KIF4A: variants seen among roughly 807,000 people sequenced by gnomAD.
KIF4A encodes the protein chromosome-associated kinesin KIF4A.
In KIF4A, 7 loss-of-function variants were observed where a neutral mutation model predicts 105.9. The observed-to-expected ratio is 0.07, with a 90% CI of 0.04 to 0.12. KIF4A has a LOEUF of 0.12. Among genes scored for constraint, KIF4A ranks in the 10% least tolerant of loss-of-function variants. KIF4A has a pLI of 1.00. For synonymous variants in KIF4A, 281 were observed against 331.3 expected, an observed-to-expected ratio of 0.85 and a Z score of 1.65; for missense variants, 558 against 929.2, an observed-to-expected ratio of 0.60 and a Z score of 5.19.
chrX:70,354,325 T>C (rs1234444091), intron 15 of KIF4A, among the ~76,000 whole-genome samples: 2 of 112,465 alleles, frequency 1.8e-5, no homozygotes, highest in Non-Finnish European at 3.8e-5. Flanking sequence ...TTATTTTCCC[T>C]TGCAGACCAG....
At chrX:70,324,203 A>C (rs887250839) in intron 7 of KIF4A, among the ~76,000 whole-genome samples, 1 of 112,137 alleles carries the variant, frequency 8.9e-6, no homozygotes, top group African/African-American at 3.2e-5. Flanking sequence ...TGACAAATGC[A>C]TTTACCCAAA....
At chrX:70,336,219 G>A (rs1292584548) in intron 10 of KIF4A, among the ~76,000 whole-genome samples, 2 of 111,784 alleles carry the variant, frequency 1.8e-5, no homozygotes, top group Non-Finnish European at 3.8e-5. Context: ...TACTTTTATT[G>A]TGGACATGTG....
intron 10 of KIF4A, among the ~76,000 whole-genome samples, chrX:70,339,038 C>T (rs2147696445): frequency 1.9e-5 from 2 of 104,524 alleles, no homozygotes; most frequent in East Asian, 6.0e-4. Flanking sequence ...CGAGCCAAGA[C>T]CACGCCACTG....
Position 70,357,902 on chromosome X carries a change from G to A in KIF4A, c.1674+4095G>A, listed in dbSNP as rs144928447. On this transcript the variant is annotated intron_variant, in intron 15 of 30. Coordinates refer to ENST00000374403, the MANE Select transcript of KIF4A (RefSeq NM_012310.5). The stretch of plus-strand genomic sequence containing the variant: ...TATGGTTTCCTGTTGTTTTTTTGTT[G>A]TTGTTGTTATTATTGTTGTTTTTAT... Among the ~76,000 whole-genome samples the A allele has an allele frequency of 3.5e-3, 389 of 110,279 alleles. 3 individuals carry two copies. The highest frequency in any genetic ancestry group is 0.012 in the African/African-American group (368 of 30,201).
chrX:70,299,053 C>T, intron 4 of KIF4A, 60 bp from the exon 5 acceptor site: 1 of 892,849 alleles, frequency 1.1e-6, no homozygotes, highest in Admixed American at 2.8e-5. Context: ...ATGATCTCAC[C>T]ACCCAGAGAT....
chrX:70,383,881 G>A (rs997989373), intron 18 of KIF4A, among the ~76,000 whole-genome samples: 2 of 111,849 alleles, frequency 1.8e-5, no homozygotes, highest in Non-Finnish European at 3.8e-5. Context: ...GTTCTCTAGG[G>A]CTTTGGGGTG....
At chrX:70,390,213 GA>G (rs748863155) in intron 20 of KIF4A, among the ~76,000 whole-genome samples, 6 of 111,197 alleles carry the variant, frequency 5.4e-5, no homozygotes, top group Non-Finnish European at 5.7e-5. Context: ...TTTCTACCTA[GA>G]AAATCATGTC....
At chrX:70,293,933 G>A (rs2085770610) in intron 3 of KIF4A, among the ~76,000 whole-genome samples, 1 of 111,684 alleles carries the variant, frequency 9.0e-6, no homozygotes, top group Admixed American at 9.5e-5. Context: ...ATTAAACTTT[G>A]TGTCTTTCTT....
At chrX:70,318,753 G>A (rs1230837585) in intron 7 of KIF4A, among the ~76,000 whole-genome samples, 2 of 111,404 alleles carry the variant, frequency 1.8e-5, no homozygotes, top group Non-Finnish European at 3.8e-5. Context: ...TATGTTTATC[G>A]ACCATGTGTA....
intron 7 of KIF4A, among the ~76,000 whole-genome samples, chrX:70,311,616 A>G (rs965923533): frequency 7.2e-5 from 8 of 111,456 alleles, no homozygotes; most frequent in Non-Finnish European, 3.8e-5. Context: ...TCACGGACAT[A>G]TTGTTTTATT....
At chrX:70,360,885 A>G (rs929946416) in intron 15 of KIF4A, among the ~76,000 whole-genome samples, 2 of 112,817 alleles carry the variant, frequency 1.8e-5, no homozygotes, top group Non-Finnish European at 3.8e-5. Flanking sequence ...CAGATGTTGG[A>G]CCACATGCAA....
At chrX:70,406,150 C>A in intron 26 of KIF4A, 109 bp from the exon 27 acceptor site, 1 of 636,649 alleles carries the variant, frequency 1.6e-6, no homozygotes, top group Non-Finnish European at 2.5e-6. Context: ...TCCTGCATCA[C>A]TTTACTATGG....
At chrX:70,371,813 G>A (rs866191211) in intron 15 of KIF4A, among the ~76,000 whole-genome samples, 9 of 105,307 alleles carry the variant, frequency 8.5e-5, no homozygotes, top group South Asian at 4.7e-4. Context: ...CAGATGGGGC[G>A]GCTGCCGGGC....
intron 28 of KIF4A, among the ~76,000 whole-genome samples, chrX:70,416,016 C>T (rs1318622358): frequency 2.8e-5 from 3 of 108,611 alleles, no homozygotes; most frequent in African/African-American, 6.7e-5. Context: ...TACAGGCATG[C>T]GCTATGATGC....
intron 15 of KIF4A, among the ~76,000 whole-genome samples, chrX:70,372,204 G>T (rs747252395): frequency 9.1e-6 from 1 of 109,928 alleles, no homozygotes; most frequent in African/African-American, 3.3e-5. Context: ...GACGATGGGC[G>T]GCCAGGCAGA....
intron 18 of KIF4A, among the ~76,000 whole-genome samples, chrX:70,384,947 A>T (rs2086212268): frequency 9.3e-6 from 1 of 107,282 alleles, no homozygotes; most frequent in Admixed American, 1.0e-4. Context: ...CTACAGGCGC[A>T]TGCCACCATG....
chrX:70,382,723 T>TA (rs2086201858), intron 18 of KIF4A, among the ~76,000 whole-genome samples: 1 of 102,166 alleles, frequency 9.8e-6, no homozygotes, highest in Admixed American at 1.1e-4. Context: ...GAGGCCAAGG[T>TA]GGGAGGATTG....
intron 5 of KIF4A, 46 bp downstream of exon 5, chrX:70,299,248 A>C (rs996077511): frequency 9.6e-7 from 1 of 1,044,794 alleles, no homozygotes; most frequent in African/African-American, 1.9e-5. Flanking sequence ...TTTGGCAATT[A>C]TAATACTAAA....
intron 20 of KIF4A, among the ~76,000 whole-genome samples, chrX:70,392,401 C>G (rs5980696): frequency 0.058 from 6,406 of 111,261 alleles, 183 homozygotes; most frequent in Middle Eastern, 0.092. Context: ...CTTGAGTAAG[C>G]TTTGGTAGTT....
Sources: gnomAD v4.1 joint callset for allele counts (sites outside exome capture counted in the v4.1 genomes callset) on GRCh38, gnomAD v4.1.1 for gene constraint, MANE v1.5 for transcripts, NCBI Gene and HGNC (gene_info 2026-07-23, HGNC 2026-07-21) for gene names.